The following UVRAG variants were observed in gnomAD, a reference collection of about 807,000 sequenced individuals.
UVRAG encodes UV radiation resistance associated, also known as UV radiation resistance-associated gene protein.
In UVRAG, 19 loss-of-function variants were observed where a neutral mutation model predicts 78.0. The ratio of observed to expected loss-of-function variants is 0.24; its 90% CI spans 0.17 to 0.36. The LOEUF is 0.36. Ranked by LOEUF, UVRAG falls within the 10% of genes least tolerant of loss-of-function variation. The pLI is 1.00. For missense variants in UVRAG, 740 were observed against 853.8 expected (o/e 0.87, Z 1.66); for synonymous variants, 323 against 324.6 (o/e 1.00, Z 0.05).
intron 6 of UVRAG, among the ~76,000 whole-genome samples, chr11:75,922,426 G>T (rs1201669707): frequency 6.6e-6 from 1 of 151,684 alleles, no homozygotes. Flanking sequence ...TATTGCTATT[G>T]TTTTTTTAAG....
chr11:76,123,633 C>G (rs1952331248), intron 14 of UVRAG, among the ~76,000 whole-genome samples: 1 of 152,026 alleles, frequency 6.6e-6, no homozygotes, highest in Non-Finnish European at 1.5e-5. Context: ...AGAGCTTAAA[C>G]TATGTAACAT....
chr11:76,087,196 A>G (rs1374082399), intron 13 of UVRAG, among the ~76,000 whole-genome samples: 1 of 152,232 alleles, frequency 6.6e-6, no homozygotes, highest in Non-Finnish European at 1.5e-5. Flanking sequence ...ATGTGTGTGT[A>G]GGTACATAGG....
In UVRAG at chr11:76,071,556, C is replaced by T. The variant is rs190090717; in HGVS notation, c.1305+5768C>T. Among the ~76,000 whole-genome samples the T allele has an allele frequency of 9.9e-4, 150 of 152,226 alleles. 3 individuals carry two copies. The highest frequency in any genetic ancestry group is 3.4e-3 in the Middle Eastern group (1 of 294). On this transcript the variant is annotated intron_variant, in intron 13 of 14. Transcript: ENST00000356136. Reference sequence around the variant, plus strand: ...CATGATTTGATATGTTTTTTCCCAACGATCATTCTAGCTACTACTTTTTTT... The same window carrying T: ...CATGATTTGATATGTTTTTTCCCAATGATCATTCTAGCTACTACTTTTTTT...
intron 9 of UVRAG, among the ~76,000 whole-genome samples, chr11:76,006,780 T>A (rs905561470): frequency 7.9e-5 from 12 of 152,042 alleles, no homozygotes; most frequent in Admixed American, 5.9e-4. Context: ...GAGGTAATTA[T>A]AATATGTAAT....
chr11:75,953,703 G>T (rs1948745280), intron 6 of UVRAG, among the ~76,000 whole-genome samples: 1 of 151,858 alleles, frequency 6.6e-6, no homozygotes, highest in African/African-American at 2.4e-5. Context: ...TTTATTCAAT[G>T]TATCTTTACG....
chr11:75,933,730 C>T (rs1948292708), intron 6 of UVRAG, among the ~76,000 whole-genome samples: 1 of 152,182 alleles, frequency 6.6e-6, no homozygotes, highest in South Asian at 2.1e-4. Flanking sequence ...ATATACATGG[C>T]AGACAGGCCT....
chr11:76,049,979 T>C (rs1950830896), intron 12 of UVRAG, among the ~76,000 whole-genome samples: 1 of 152,226 alleles, frequency 6.6e-6, no homozygotes, highest in Non-Finnish European at 1.5e-5. Context: ...TAATAGTGCC[T>C]GCAGGACAAT....
intron 2 of UVRAG, among the ~76,000 whole-genome samples, chr11:75,853,953 A>G (rs1590936144): frequency 6.7e-6 from 1 of 149,682 alleles, no homozygotes; most frequent in Non-Finnish European, 1.5e-5. Context: ...TTGTATTTTT[A>G]GTAGAGACAG....
chr11:75,925,775 C>G (rs1168627530), intron 6 of UVRAG, among the ~76,000 whole-genome samples: 1 of 152,118 alleles, frequency 6.6e-6, no homozygotes, highest in Non-Finnish European at 1.5e-5. Flanking sequence ...CAGTTAAATG[C>G]TAAAAGTTAG....
intron 6 of UVRAG, among the ~76,000 whole-genome samples, chr11:75,928,792 AT>A (rs902637953): frequency 4.0e-5 from 6 of 149,354 alleles, no homozygotes; most frequent in Non-Finnish European, 7.4e-5. Flanking sequence ...ACAAAAAAAA[AT>A]TTGCCGGGCA....
chr11:75,954,848 A>C (rs1948764640), intron 6 of UVRAG, among the ~76,000 whole-genome samples: 1 of 152,196 alleles, frequency 6.6e-6, no homozygotes, highest in African/African-American at 2.4e-5. Context: ...AGATTTCCAG[A>C]GGAAGGAGCA....
chr11:75,871,365 C>T (rs776973874), intron 3 of UVRAG, among the ~76,000 whole-genome samples: 4 of 150,108 alleles, frequency 2.7e-5, no homozygotes, highest in Admixed American at 6.7e-5. Context: ...TGGCTCACTG[C>T]AACCTCTGCC....
chr11:76,046,538 A>T (rs1004269733), intron 12 of UVRAG, among the ~76,000 whole-genome samples: 2 of 152,244 alleles, frequency 1.3e-5, no homozygotes, highest in Admixed American at 6.5e-5. Flanking sequence ...TTAAAATATG[A>T]TACATTATAT....
chr11:75,880,207 T>A (rs75540366), intron 4 of UVRAG, among the ~76,000 whole-genome samples, 167 bp downstream of exon 4: 13 of 152,256 alleles, frequency 8.5e-5, no homozygotes, highest in Admixed American at 8.5e-4. Context: ...TATGTTATTA[T>A]TTACTTATAT....
At chr11:75,828,794 TATATATATA>T (rs1565334034) in intron 1 of UVRAG, among the ~76,000 whole-genome samples, 3 of 93,746 alleles carry the variant, frequency 3.2e-5, no homozygotes, top group African/African-American at 1.4e-4. Flanking sequence ...TATATATATA[TATATATATA>T]TATTTTTTTT....
At chr11:76,081,887 C>A (rs1591214454) in intron 13 of UVRAG, among the ~76,000 whole-genome samples, 1 of 136,540 alleles carries the variant, frequency 7.3e-6, no homozygotes, top group African/African-American at 2.8e-5. Flanking sequence ...GAAACCATAG[C>A]AATGATAGGG....
At chr11:75,983,581 A>G in intron 8 of UVRAG, 68 bp downstream of exon 8, 4 of 1,479,272 alleles carry the variant, frequency 2.7e-6, no homozygotes, top group South Asian at 2.9e-5. Context: ...TCTTCTTCAC[A>G]AGCTCAAATA....
At chr11:76,079,058 T>G (rs1427460935) in intron 13 of UVRAG, among the ~76,000 whole-genome samples, 1 of 152,240 alleles carries the variant, frequency 6.6e-6, no homozygotes, top group East Asian at 1.9e-4. Context: ...TTATGTGCCC[T>G]GAGCCCCATG....
In UVRAG at chr11:75,877,391, G is replaced by A. The variant is rs1312860180; in HGVS notation, c.271-2488G>A. Among the ~76,000 whole-genome samples the A allele has an allele frequency of 3.5e-3, 538 of 152,058 alleles. 1 individual carries two copies. The highest frequency in any genetic ancestry group is 0.012 in the African/African-American group (489 of 41,484). On this transcript the variant is annotated intron_variant, in intron 3 of 14. Coordinates refer to ENST00000356136, the MANE Select transcript of UVRAG (RefSeq NM_003369.4). ...ACACCTCCCAGACGGGGTGGTGGCTGGGCAGAGGGGCTCCTCACTTCCCAG... is the reference window on the plus strand; with the variant it reads ...ACACCTCCCAGACGGGGTGGTGGCTAGGCAGAGGGGCTCCTCACTTCCCAG...
Sources: gnomAD v4.1 joint callset for allele counts (sites outside exome capture counted in the v4.1 genomes callset) on GRCh38, gnomAD v4.1.1 for gene constraint, MANE v1.5 for transcripts, NCBI Gene and HGNC (gene_info 2026-07-23, HGNC 2026-07-21) for gene names.